Variants in RORA observed in about 807,000 individuals in gnomAD.
The protein encoded by RORA is RAR related orphan receptor A.
A neutral mutation model predicts 69.5 loss-of-function variants in RORA; 7 were observed. That is an observed-to-expected ratio of 0.10 (90% CI 0.06 to 0.19). RORA has a LOEUF of 0.19. Among genes scored for constraint, RORA ranks in the 10% least tolerant of loss-of-function variants. The pLI is 1.00. For missense variants in RORA, 457 were observed against 663.0 expected, an observed-to-expected ratio of 0.69 and a Z score of 3.41; for synonymous variants, 261 against 240.8, an observed-to-expected ratio of 1.08 and a Z score of -0.78.
Position 61,086,418 on chromosome 15 carries a change from TA to T in RORA, c.166+142634del, listed in dbSNP as rs3842334. On this transcript the variant is annotated intron_variant, in intron 1 of 10. Transcript: ENST00000335670. ...TAAGGCATAGTTGTAAATGAGAACTTAATGAACTCAGAGTAATGTCACTAGG... is the reference window on the plus strand; with the variant it reads ...TAAGGCATAGTTGTAAATGAGAACTTATGAACTCAGAGTAATGTCACTAGG... Among the ~76,000 whole-genome samples the T allele has an allele frequency of 2.0e-5, 3 of 152,218 alleles. No homozygotes were observed. In the East Asian group the frequency reaches 5.8e-4, roughly 29 times the overall value.
intron 1 of RORA, among the ~76,000 whole-genome samples, chr15:60,853,374 A>G (rs1312872183): frequency 6.6e-6 from 1 of 152,194 alleles, no homozygotes; most frequent in East Asian, 1.9e-4. Context: ...GCAGAAGACG[A>G]TAATAGAGAA....
rs2065032973 is a variant in RORA at position 60,491,078 on chromosome 15, A to C, written c.*6377T>G. ...TAATATGAGATTTCAAACTGTGTGG[A>C]TAACAGGAGAATTTTGGATTCAGGA... On this transcript the variant is annotated 3_prime_UTR_variant, in exon 11 of 11. Transcript: ENST00000335670. 6.6e-6 allele frequency: 1 copy of C among 152,184 alleles called. No individual in the cohort carries two copies. The highest frequency in any genetic ancestry group is 2.4e-5 in the African/African-American group (1 of 41,468). The allele number at this position is 152,184 out of a possible 1,614,324, so 9.4% of individuals were successfully genotyped here.
chr15:60,803,668 T>C (rs2072619084), intron 1 of RORA, among the ~76,000 whole-genome samples: 1 of 152,088 alleles, frequency 6.6e-6, no homozygotes, highest in East Asian at 1.9e-4. Context: ...TCCCTAGCAG[T>C]AAAAGAATTC....
At chr15:60,514,425 G>A (rs906126117) in intron 4 of RORA, among the ~76,000 whole-genome samples, 191 bp downstream of exon 4, 3 of 152,138 alleles carry the variant, frequency 2.0e-5, no homozygotes, top group South Asian at 2.1e-4. Context: ...AGCTGACTCT[G>A]AGGATGAGGA....
At chr15:60,789,170 C>T (rs1037224083) in intron 1 of RORA, among the ~76,000 whole-genome samples, 1 of 152,092 alleles carries the variant, frequency 6.6e-6, no homozygotes, top group Non-Finnish European at 1.5e-5. Context: ...GTAGGCCTCC[C>T]AAAGGCCAAA....
rs1453739550 is a variant in RORA, at chr15:60,516,184, T to A, written c.283-1427A>T. On this transcript the variant is annotated intron_variant, in intron 3 of 10. Coordinates refer to ENST00000335670, the MANE Select transcript of RORA (RefSeq NM_134261.3). Reference sequence around the variant, plus strand: ...ATTTATATATATATTTATATATATATTTATATATATATTTATATATATATT... The same window carrying A: ...ATTTATATATATATTTATATATATAATTATATATATATTTATATATATATT... Among the ~76,000 whole-genome samples the A allele has an allele frequency of 1.9e-3, 54 of 28,034 alleles. 1 individual carries two copies. Among genetic ancestry groups the A allele is most frequent in the African/African-American group, 0.012 (53 of 4,602 alleles). The allele number at this position is 28,034 out of a possible 152,430, so 18.4% of individuals were successfully genotyped here.
intron 2 of RORA, among the ~76,000 whole-genome samples, chr15:60,619,637 A>C (rs575294614): frequency 6.6e-6 from 1 of 152,344 alleles, no homozygotes; most frequent in East Asian, 1.9e-4. Context: ...ATCTGTCTGC[A>C]TACAAGCGGG....
intron 1 of RORA, chr15:61,214,304 A>G (rs985807213): frequency 6.6e-6 from 1 of 152,224 alleles, no homozygotes; most frequent in Non-Finnish European, 1.5e-5. Context: ...GTTTGTATTA[A>G]AACTTCTCCA....
At chr15:60,532,660 A>G (rs1036306982) in intron 2 of RORA, among the ~76,000 whole-genome samples, 2 of 152,212 alleles carry the variant, frequency 1.3e-5, no homozygotes, top group African/African-American at 4.8e-5. Context: ...AGTTAAAAAG[A>G]GCATAATTAA....
intron 2 of RORA, among the ~76,000 whole-genome samples, chr15:60,588,885 T>C (rs1043045672): frequency 5.3e-5 from 8 of 152,346 alleles, no homozygotes; most frequent in Admixed American, 3.3e-4. Context: ...GATTGAAATA[T>C]ATAAAATCAA....
intron 1 of RORA, among the ~76,000 whole-genome samples, chr15:60,711,934 T>A (rs1328245328): frequency 6.6e-6 from 1 of 152,222 alleles, no homozygotes; most frequent in Non-Finnish European, 1.5e-5. Context: ...TGTTATAAAT[T>A]ATAATAGAAG....
At chr15:60,513,350 G>A (rs899927440) in intron 4 of RORA, among the ~76,000 whole-genome samples, 1 of 152,180 alleles carries the variant, frequency 6.6e-6, no homozygotes, top group African/African-American at 2.4e-5. Context: ...TACTGAAGGT[G>A]CTTAATTTTT....
At chr15:60,594,293 C>T (rs994946203) in intron 2 of RORA, among the ~76,000 whole-genome samples, 1 of 152,220 alleles carries the variant, frequency 6.6e-6, no homozygotes, top group Admixed American at 6.5e-5. Context: ...AATGAGGCAA[C>T]GCCCCTCAGT....
chr15:60,905,319 G>T lies in RORA; in HGVS notation c.167-226633C>A, dbSNP rs549622996. Among the ~76,000 whole-genome samples the T allele has an allele frequency of 6.6e-6, 1 of 152,118 alleles. No homozygotes were observed. The highest frequency in any genetic ancestry group is 6.5e-5 in the Admixed American group (1 of 15,282). ...AGCCAGAGGTTCCTTAATTTGCATC[G>T]TTATATGAGTGCAAAGCATGATGAT... On this transcript the variant is annotated intron_variant, in intron 1 of 10. Transcript: ENST00000335670. This position sits in a 1 kb window ranked among gnomAD's most constrained non-coding sequence, Gnocchi z 4.8.
rs1354139411 is a variant in RORA, at chr15:61,046,063, G to A, written c.166+182990C>T. The stretch of plus-strand genomic sequence containing the variant: ...AAAGAAAGCAAGGACTGAGAAATCC[G>A]GGGACAGGATAGATCAACGGAGAAA... On this transcript the variant is annotated intron_variant, in intron 1 of 10. Coordinates refer to ENST00000335670, the MANE Select transcript of RORA (RefSeq NM_134261.3). Among the ~76,000 whole-genome samples, 10 of 152,090 alleles carry A rather than the reference G, an allele frequency of 6.6e-5. No homozygotes were observed. The South Asian group carries it at 1.7e-3, about 25-fold the overall frequency.
intron 1 of RORA, among the ~76,000 whole-genome samples, chr15:61,088,246 G>A (rs1189005255): frequency 2.0e-5 from 3 of 152,206 alleles, no homozygotes. Flanking sequence ...AAGTCTGCTC[G>A]CAGGAGAGGC....
intron 1 of RORA, among the ~76,000 whole-genome samples, chr15:60,820,501 AG>A (rs1366673334): frequency 6.6e-6 from 1 of 152,202 alleles, no homozygotes; most frequent in East Asian, 1.9e-4. Flanking sequence ...GGTGAAAATG[AG>A]GCCTGCATTG....
chr15:60,929,836 A>C (rs1449573956), intron 1 of RORA, among the ~76,000 whole-genome samples: 1 of 152,134 alleles, frequency 6.6e-6, no homozygotes, highest in Non-Finnish European at 1.5e-5. Context: ...CCCCAGAGAT[A>C]CGGACCTGGG....
chr15:60,716,371 G>A (rs1175398679), intron 1 of RORA, among the ~76,000 whole-genome samples: 1 of 152,162 alleles, frequency 6.6e-6, no homozygotes. Flanking sequence ...GAATGCACTT[G>A]CAGTTGCAAA....
Sources: gnomAD v4.1 joint callset for allele counts (sites outside exome capture counted in the v4.1 genomes callset) on GRCh38, gnomAD v4.1.1 for gene constraint, Gnocchi (gnomAD v3.1) non-coding constraint, MANE v1.5 for transcripts, NCBI Gene and HGNC (gene_info 2026-07-23, HGNC 2026-07-21) for gene names.